Variants in INPP4A observed in about 807,000 individuals in gnomAD.
The protein encoded by INPP4A is inositol polyphosphate-4-phosphatase type I A, also known as inositol polyphosphate-4-phosphatase, type I, 107kD.
A neutral mutation model predicts 119.8 loss-of-function variants in INPP4A; 33 were observed. That is an observed-to-expected ratio of 0.28 (90% CI 0.21 to 0.37). The LOEUF (loss-of-function observed/expected upper bound fraction) is 0.37. Among genes scored for constraint, INPP4A ranks in the 10% least tolerant of loss-of-function variants. INPP4A has a pLI of 1.00. For synonymous variants in INPP4A, 496 were observed against 500.7 expected (o/e 0.99, Z 0.12); for missense variants, 956 against 1,289.9 (o/e 0.74, Z 3.97).
chr2:98,477,345 T>G (rs1029039049), intron 1 of INPP4A, among the ~76,000 whole-genome samples: 3 of 152,206 alleles, frequency 2.0e-5, no homozygotes, highest in African/African-American at 7.2e-5. Context: ...TCCTGAATGG[T>G]GTGGTGGTAC....
At chr2:98,523,135 C>G (rs1321569345) in intron 4 of INPP4A, among the ~76,000 whole-genome samples, 1 of 152,196 alleles carries the variant, frequency 6.6e-6, no homozygotes, top group African/African-American at 2.4e-5. Flanking sequence ...ATGTGCTTAA[C>G]TTTCATCATG....
rs1049513935 is a variant in INPP4A, at chr2:98,570,405, G to T, written c.2518+1737G>T. ...CAGGAAGAAGGCAGGAGCCAGGAGG[G>T]TGTGGGGCGCTGCCGGACACTGGAT... On this transcript the variant is annotated intron_variant, in intron 22 of 24. Coordinates refer to ENST00000409851, the MANE Select transcript of INPP4A (RefSeq NM_001134225.2). This position sits in a 1 kb window ranked among gnomAD's most constrained non-coding sequence, Gnocchi z 4.3. 6.6e-6 allele frequency among the ~76,000 whole-genome samples: 1 copy of T among 152,202 alleles called. No homozygotes were observed. Among genetic ancestry groups the T allele is most frequent in the Admixed American group, 6.5e-5 (1 of 15,282 alleles).
chr2:98,549,368 C>T (rs185361036), intron 13 of INPP4A, among the ~76,000 whole-genome samples: 2 of 152,238 alleles, frequency 1.3e-5, no homozygotes, highest in East Asian at 3.9e-4. Context: ...TTCACTATTA[C>T]CTCTTATACA....
intron 1 of INPP4A, among the ~76,000 whole-genome samples, chr2:98,500,046 C>T (rs367837502): frequency 3.3e-5 from 5 of 152,170 alleles, no homozygotes; most frequent in East Asian, 3.9e-4. Context: ...AACCTCAGGC[C>T]GTGTCATTCT....
intron 8 of INPP4A, 82 bp downstream of exon 8, chr2:98,538,056 C>G (rs1168110959): frequency 1.1e-6 from 1 of 935,146 alleles, no homozygotes; most frequent in African/African-American, 1.6e-5. Flanking sequence ...TGGACTTAGC[C>G]TCTGTGCTCA....
intron 10 of INPP4A, among the ~76,000 whole-genome samples, chr2:98,542,702 G>A (rs536212852): frequency 6.6e-6 from 1 of 151,300 alleles, no homozygotes; most frequent in East Asian, 1.9e-4. Context: ...TTATGATTGT[G>A]TAGCTGTTCT....
chr2:98,449,210 C>G (rs1694815147), intron 1 of INPP4A, among the ~76,000 whole-genome samples: 1 of 152,140 alleles, frequency 6.6e-6, no homozygotes. Context: ...AATTAACTGA[C>G]TAGTTTCAGA....
chr2:98,553,618 C>G (rs543991918), intron 14 of INPP4A, among the ~76,000 whole-genome samples: 2 of 152,272 alleles, frequency 1.3e-5, no homozygotes, highest in South Asian at 2.1e-4. Flanking sequence ...CCTCCACACT[C>G]ACACTCACTG....
chr2:98,484,616 A>G (rs1017923799), intron 1 of INPP4A, among the ~76,000 whole-genome samples: 5 of 152,180 alleles, frequency 3.3e-5, no homozygotes, highest in Non-Finnish European at 7.3e-5. Flanking sequence ...AATTTTGCAT[A>G]CTTACTATAA....
intron 10 of INPP4A, 114 bp downstream of exon 10, chr2:98,539,789 C>A: frequency 2.9e-6 from 3 of 1,026,612 alleles, no homozygotes; most frequent in Non-Finnish European, 4.1e-6. Flanking sequence ...GCAAACACAG[C>A]CTCTCCCCCT....
chr2:98,545,014 A>G (rs1166453880), intron 11 of INPP4A, among the ~76,000 whole-genome samples: 4 of 152,238 alleles, frequency 2.6e-5, no homozygotes, highest in African/African-American at 9.6e-5. Context: ...GAGCTTCTCA[A>G]ATGTCACTGT....
chr2:98,521,975 A>G (rs140292806), intron 4 of INPP4A, among the ~76,000 whole-genome samples: 3 of 152,236 alleles, frequency 2.0e-5, no homozygotes, highest in African/African-American at 4.8e-5. Context: ...GAGACATTGC[A>G]GAAAGTTTTA....
intron 24 of INPP4A, chr2:98,581,483 G>C (rs1393358537): frequency 1.5e-5 from 19 of 1,232,406 alleles, no homozygotes; most frequent in Non-Finnish European, 4.4e-6. Flanking sequence ...CATCCTTTTT[G>C]ATAAAATCCA....
chr2:98,563,606 A>G lies in INPP4A; in HGVS notation c.1997A>G (p.Gln666Arg), dbSNP rs781151803. The G allele has an allele frequency of 9.1e-5, 146 of 1,612,844 alleles. No individual in the cohort carries two copies. The highest frequency in any genetic ancestry group is 1.2e-4 in the Non-Finnish European group (143 of 1,179,620). The change falls in exon 18 of 25, where the codon CAG becomes CGG. Residue 666 changes from glutamine to arginine, a missense_variant. Physicochemically the swap from Gln to Arg is conservative, Grantham distance 43. This residue lies in a region of INPP4A where 304 missense variants were observed against 492.1 expected (regional missense o/e 0.62). Transcript: ENST00000409851. ...ACCATAGCCACCTACCTGAGCCTGC[A>G]GTACCGCCGTGACGTGGTCTTCTGC... The part of the protein sequence containing the change: ...APTIATYLSL[Q>R]YRRDVVFCQT...
At chr2:98,568,295 T>A (rs568219852) in intron 21 of INPP4A, among the ~76,000 whole-genome samples, 3 of 151,974 alleles carry the variant, frequency 2.0e-5, no homozygotes, top group Non-Finnish European at 4.4e-5. Flanking sequence ...TGAGGGGGGA[T>A]CCTGTGCTGC....
chr2:98,479,823 G>C (rs1398223230), intron 1 of INPP4A, among the ~76,000 whole-genome samples: 3 of 152,170 alleles, frequency 2.0e-5, no homozygotes, highest in Non-Finnish European at 2.9e-5. Context: ...CCTGGCCCTG[G>C]GCTGTCCCTT....
chr2:98,572,786 C>T (rs774820734), intron 22 of INPP4A, 29 bp from the exon 23 acceptor site: 3 of 1,498,466 alleles, frequency 2.0e-6, no homozygotes, highest in Non-Finnish European at 2.7e-6. Context: ...GTGCGTCACC[C>T]ACTCCCACGA....
At chr2:98,484,353 C>T (rs2105100681) in intron 1 of INPP4A, among the ~76,000 whole-genome samples, 1 of 152,328 alleles carries the variant, frequency 6.6e-6, no homozygotes, top group South Asian at 2.1e-4. Context: ...TCCCTCTCCT[C>T]CCTGTCAGGC....
intron 1 of INPP4A, among the ~76,000 whole-genome samples, chr2:98,461,849 G>C (rs929427326): frequency 2.0e-5 from 3 of 152,222 alleles, no homozygotes; most frequent in African/African-American, 7.2e-5. Context: ...ATGCTGGCCT[G>C]CTGCCAGGCT....
Sources: gnomAD v4.1 joint callset for allele counts (sites outside exome capture counted in the v4.1 genomes callset) on GRCh38, gnomAD v4.1.1 for gene constraint, gnomAD v4.1.1 regional missense constraint, Gnocchi (gnomAD v3.1) non-coding constraint, MANE v1.5 for transcripts, NCBI Gene and HGNC (gene_info 2026-07-23, HGNC 2026-07-21) for gene names.